The following CTNNA3 variants were observed in gnomAD, a reference collection of about 807,000 sequenced individuals.
CTNNA3 encodes the protein catenin alpha-3.
A neutral mutation model predicts 95.7 loss-of-function variants in CTNNA3; 76 were observed. That is an observed-to-expected ratio of 0.79 (90% CI 0.66 to 0.96). The LOEUF is 0.96. Ranked by LOEUF, CTNNA3 falls within the 40% of genes least tolerant of loss-of-function variation. The probability of loss-of-function intolerance (pLI) is 0.00; values close to 1 mark genes in which losing one functional copy is unlikely to be tolerated. For missense variants in CTNNA3, 1,191 were observed against 1,089.8 expected, an observed-to-expected ratio of 1.09 and a Z score of -1.31; for synonymous variants, 431 against 374.4, an observed-to-expected ratio of 1.15 and a Z score of -1.74.
intron 7 of CTNNA3, among the ~76,000 whole-genome samples, chr10:66,841,166 T>G (rs1317462719): frequency 6.6e-6 from 1 of 152,162 alleles, no homozygotes; most frequent in Non-Finnish European, 1.5e-5. Context: ...ATGAAAAAGG[T>G]TGAGGGCACC....
At chr10:66,908,659 G>C (rs1428757323) in intron 7 of CTNNA3, among the ~76,000 whole-genome samples, 1 of 152,094 alleles carries the variant, frequency 6.6e-6, no homozygotes, top group Non-Finnish European at 1.5e-5. Context: ...TGCTGCTATG[G>C]CTAGATTAAT....
At chr10:66,329,747 T>C (rs927124724) in intron 12 of CTNNA3, among the ~76,000 whole-genome samples, 1 of 152,094 alleles carries the variant, frequency 6.6e-6, no homozygotes, top group Non-Finnish European at 1.5e-5. Flanking sequence ...TCAAATATAC[T>C]TGAATAGTTT....
intron 1 of CTNNA3, among the ~76,000 whole-genome samples, chr10:67,650,118 C>G (rs576904244): frequency 6.6e-6 from 1 of 152,158 alleles, no homozygotes; most frequent in Non-Finnish European, 1.5e-5. Context: ...GGATTACAGG[C>G]GTGAGCCACC....
intron 5 of CTNNA3, among the ~76,000 whole-genome samples, chr10:67,340,711 C>G (rs1430113703): frequency 6.6e-6 from 1 of 152,176 alleles, no homozygotes; most frequent in African/African-American, 2.4e-5. Flanking sequence ...AACTTCTACT[C>G]TAATTGAATG....
At chr10:66,441,233 T>C (rs2093373667) in intron 11 of CTNNA3, among the ~76,000 whole-genome samples, 1 of 151,734 alleles carries the variant, frequency 6.6e-6, no homozygotes, top group African/African-American at 2.4e-5. Flanking sequence ...TTTCTGATGG[T>C]GCTTGCTGTC....
intron 9 of CTNNA3, among the ~76,000 whole-genome samples, chr10:66,681,446 A>T (rs1485577291): frequency 1.3e-5 from 2 of 152,140 alleles, no homozygotes; most frequent in Non-Finnish European, 2.9e-5. Flanking sequence ...AATCTAGCAT[A>T]CCTTTACTGG....
intron 5 of CTNNA3, among the ~76,000 whole-genome samples, chr10:67,237,205 A>T (rs1865526097): frequency 7.0e-6 from 1 of 143,782 alleles, no homozygotes; most frequent in African/African-American, 2.5e-5. Context: ...TCAGTCATAA[A>T]AAGAAATGAA....
At chr10:66,134,986 T>C (rs1395728430) in intron 13 of CTNNA3, among the ~76,000 whole-genome samples, 1 of 152,126 alleles carries the variant, frequency 6.6e-6, no homozygotes, top group Non-Finnish European at 1.5e-5. Flanking sequence ...ATATTTTGTG[T>C]GATTGTAGAT....
intron 5 of CTNNA3, among the ~76,000 whole-genome samples, chr10:67,497,039 C>T (rs1034666055): frequency 6.6e-6 from 1 of 152,010 alleles, no homozygotes; most frequent in African/African-American, 2.4e-5. Flanking sequence ...CCCTTCAACC[C>T]GTCATCTACA....
rs143352188 is a variant in CTNNA3 at position 66,621,165 on chromosome 10, T to C, written c.1374+527A>G. 5.3e-3 allele frequency among the ~76,000 whole-genome samples: 804 copies of C among 152,306 alleles called. 13 individuals carry two copies. Among genetic ancestry groups the C allele is most frequent in the African/African-American group, 0.018 (764 of 41,570 alleles). ...GAAAAAAAGAGTCAATTCTTTCAGC[T>C]GATTTGAAATTTCAAAATAAATAAT... is the stretch of plus-strand genomic sequence containing the variant. On this transcript the variant is annotated intron_variant, in intron 10 of 17. Coordinates refer to ENST00000433211, the MANE Select transcript of CTNNA3 (RefSeq NM_013266.4).
At chr10:66,238,172 G>A (rs906680393) in intron 13 of CTNNA3, among the ~76,000 whole-genome samples, 1 of 151,962 alleles carries the variant, frequency 6.6e-6, no homozygotes, top group South Asian at 2.1e-4. Flanking sequence ...AATTGGGGAA[G>A]CAAAAGTGAT....
intron 9 of CTNNA3, among the ~76,000 whole-genome samples, chr10:66,654,179 A>G (rs1206407716): frequency 5.9e-5 from 9 of 152,126 alleles, no homozygotes; most frequent in African/African-American, 2.2e-4. Context: ...AACCTATGGA[A>G]TGGAAGAAAA....
chr10:67,641,366 A>G (rs111442891), intron 2 of CTNNA3, among the ~76,000 whole-genome samples: 20,132 of 152,000 alleles, frequency 0.13, 2,396 homozygotes, highest in African/African-American at 0.32. Flanking sequence ...AACAGGTGCT[A>G]GAGAGGATGT....
chr10:66,706,329 T>A (rs1319619799), intron 9 of CTNNA3, among the ~76,000 whole-genome samples: 1 of 151,866 alleles, frequency 6.6e-6, no homozygotes, highest in Admixed American at 6.6e-5. Flanking sequence ...TCAATTAATC[T>A]ACTCATTGTT....
intron 13 of CTNNA3, among the ~76,000 whole-genome samples, chr10:66,150,219 A>T (rs780534120): frequency 6.6e-6 from 1 of 151,464 alleles, no homozygotes; most frequent in Non-Finnish European, 1.5e-5. Context: ...GTCTCATGAG[A>T]TCTGATGGTT....
At chr10:66,800,623 T>C (rs535149588) in intron 7 of CTNNA3, among the ~76,000 whole-genome samples, 14 of 151,368 alleles carry the variant, frequency 9.2e-5, no homozygotes, top group Middle Eastern at 3.4e-3. Flanking sequence ...TATTGAAATT[T>C]AAAAATGTCT....
chr10:66,103,353 T>C, intron 13 of CTNNA3, 104 bp from the exon 14 acceptor site: 1 of 836,058 alleles, frequency 1.2e-6, no homozygotes, highest in South Asian at 1.5e-5. Flanking sequence ...AGTTACCATA[T>C]GACCCAGCAA....
intron 1 of CTNNA3, among the ~76,000 whole-genome samples, chr10:67,724,388 A>C (rs1841197271): frequency 6.6e-6 from 1 of 152,190 alleles, no homozygotes; most frequent in Non-Finnish European, 1.5e-5. Flanking sequence ...AGAAGAGCTT[A>C]TTGTGAACAT....
At chr10:66,391,446 C>A (rs1206210495) in intron 11 of CTNNA3, among the ~76,000 whole-genome samples, 1 of 152,048 alleles carries the variant, frequency 6.6e-6, no homozygotes, top group Non-Finnish European at 1.5e-5. Flanking sequence ...TATTGCTTGT[C>A]CTTTTAATGT....
Sources: gnomAD v4.1 joint callset for allele counts (sites outside exome capture counted in the v4.1 genomes callset) on GRCh38, gnomAD v4.1.1 for gene constraint, MANE v1.5 for transcripts, NCBI Gene and HGNC (gene_info 2026-07-23, HGNC 2026-07-21) for gene names.